The following PUDP variants were observed in gnomAD, a reference collection of about 807,000 sequenced individuals.
The protein encoded by PUDP is pseudouridine 5'-phosphatase.
Under a neutral mutation model 9.4 loss-of-function variants are expected in PUDP, and 8 were observed. The ratio of observed to expected loss-of-function variants is 0.85; its 90% CI spans 0.50 to 1.53. The LOEUF is 1.53. Ranked by LOEUF, PUDP falls within the 40% of genes most tolerant of loss-of-function variation. The pLI is 0.00. For missense variants in PUDP, 188 were observed against 189.7 expected (o/e 0.99, Z 0.05); for synonymous variants, 99 against 80.7 (o/e 1.23, Z -1.22).
At chrX:6,787,228 C>A (rs184367488) in intron 3 of PUDP, among the ~76,000 whole-genome samples, 349 of 111,716 alleles carry the variant, frequency 3.1e-3, no homozygotes, top group Non-Finnish European at 5.4e-3. Flanking sequence ...CTAAAAAAAA[C>A]CCCACAATAT....
At chrX:7,076,009 T>C (rs759811183) in intron 3 of PUDP, among the ~76,000 whole-genome samples, 2 of 111,073 alleles carry the variant, frequency 1.8e-5, no homozygotes, top group Admixed American at 1.9e-4. Context: ...TAGGAGTCAG[T>C]GTCAGAACTG....
intron 3 of PUDP, among the ~76,000 whole-genome samples, chrX:6,866,522 A>G (rs1569113473): frequency 9.0e-6 from 1 of 111,158 alleles, no homozygotes; most frequent in East Asian, 2.8e-4. Context: ...GCGCCCTGTA[A>G]CAAGTGAGCG....
chrX:6,791,884 T>C (rs1316780491), intron 3 of PUDP, among the ~76,000 whole-genome samples: 1 of 112,121 alleles, frequency 8.9e-6, no homozygotes, highest in Non-Finnish European at 1.9e-5. Context: ...CATAGCTGTT[T>C]AGTGGACAAT....
intron 3 of PUDP, among the ~76,000 whole-genome samples, chrX:7,051,021 G>A (rs183461443): frequency 1.6e-4 from 18 of 111,380 alleles, no homozygotes; most frequent in Admixed American, 1.2e-3. Flanking sequence ...GGATAATCGC[G>A]AAAATCCACT....
rs188752612 is a variant in PUDP, at chrX:7,077,484, C to T, written c.281-35G>A. On this transcript the variant is annotated intron_variant, in intron 2 of 3. Transcript: ENST00000381077. ...AGGAGGGAAGGACTGAGGTGAGGGG[C>T]GAGGCCTCCACCATAAGACCTTCTT... 132 of 1,083,411 alleles carry T rather than the reference C, an allele frequency of 1.2e-4. No individual in the cohort carries two copies. In the African/African-American group the frequency reaches 2.2e-3, roughly 18 times the overall value. 89.3% of individuals were successfully genotyped at this position (1,083,411 alleles called of 1,213,427 possible).
At chrX:6,913,094 T>C (rs191865759) in intron 3 of PUDP, among the ~76,000 whole-genome samples, 23 of 112,078 alleles carry the variant, frequency 2.1e-4, no homozygotes, top group African/African-American at 6.5e-4. Context: ...GTGATACTTA[T>C]ATCGCTTACA....
chrX:7,027,812 A>AGAC (rs1223065508), intron 1 of PUDP, among the ~76,000 whole-genome samples: 1 of 253 alleles, frequency 4.0e-3, no homozygotes. Context: ...TATTTTCTAT[A>AGAC]TATAGACTAT....
Position 6,929,084 on chromosome X carries a change from G to C in PUDP, c.*247+48049C>G, listed in dbSNP as rs187788680. Among the ~76,000 whole-genome samples the C allele has an allele frequency of 3.9e-3, 432 of 112,003 alleles. 1 individual carries two copies. The highest frequency in any genetic ancestry group is 0.013 in the African/African-American group (412 of 30,838). On this transcript the variant is annotated intron_variant and NMD_transcript_variant, in intron 3 of 3. Transcript: ENST00000655425. ...GTACAGCACACGCCAGAAACGAGAA[G>C]GCAATACCACATTACACAGGAGCTA...
intron 1 of PUDP, among the ~76,000 whole-genome samples, chrX:7,009,768 T>C (rs1453276344): frequency 1.8e-5 from 2 of 111,280 alleles, no homozygotes; most frequent in Non-Finnish European, 3.8e-5. Flanking sequence ...CACACCAACA[T>C]GGCACATGTA....
At chrX:6,722,431 T>G (rs2146655845), upstream of PUDP, among the ~76,000 whole-genome samples, 1 of 100,724 alleles carries the variant, frequency 9.9e-6, no homozygotes, top group African/African-American at 4.0e-5. Context: ...GGCCACAGAG[T>G]GAGACTGTCT....
intron 3 of PUDP, among the ~76,000 whole-genome samples, chrX:7,060,601 C>T (rs1275313008): frequency 3.6e-5 from 4 of 111,961 alleles, no homozygotes; most frequent in South Asian, 7.5e-4. Context: ...ATCTTCAGAG[C>T]AAATCGATGA....
chrX:7,054,647 A>T (rs748049236), intron 3 of PUDP, among the ~76,000 whole-genome samples: 1 of 111,604 alleles, frequency 9.0e-6, no homozygotes, highest in South Asian at 3.8e-4. Context: ...GGGTGATCTC[A>T]GCCCAAAACA....
rs1361717645 is a variant in PUDP, at chrX:7,050,402, A to C, written c.581T>G (p.Val194Gly). Reference protein sequence around the residue: ...ALAAGMQVVMVPDGNLSRDLT... With the variant: ...ALAAGMQVVMGPDGNLSRDLT... Reference sequence around the variant, plus strand: ...ATCTCGGCTCAAGTTTCCGTCAGGAACCATGACCACCTGCATCCCAGCTGC... The same window carrying C: ...ATCTCGGCTCAAGTTTCCGTCAGGACCCATGACCACCTGCATCCCAGCTGC... The change falls in exon 4 of 4, where the codon GTT (valine) becomes GGT (glycine). Residue 194 changes from valine to glycine, a missense_variant. By Grantham distance (109) the Val-to-Gly change is moderately radical (BLOSUM62 -3). Transcript: ENST00000381077. 1.7e-6 allele frequency: 2 copies of C among 1,209,620 alleles called. No individual in the cohort carries two copies. The highest frequency in any genetic ancestry group is 2.2e-6 in the Non-Finnish European group (2 of 894,757).
chrX:7,071,144 A>G, intron 3 of PUDP, among the ~76,000 whole-genome samples: 1 of 111,889 alleles, frequency 8.9e-6, no homozygotes, highest in Non-Finnish European at 1.9e-5. Context: ...TAAATCTAGG[A>G]AAGAGTCACA....
chrX:6,884,273 A>T (rs1309485019), intron 3 of PUDP, among the ~76,000 whole-genome samples: 1 of 111,940 alleles, frequency 8.9e-6, no homozygotes, highest in Non-Finnish European at 1.9e-5. Flanking sequence ...TCTTTTAAGA[A>T]ATATACCCAA....
intron 1 of PUDP, among the ~76,000 whole-genome samples, chrX:6,996,105 C>A (rs1015606694): frequency 1.8e-5 from 2 of 111,394 alleles, no homozygotes; most frequent in Non-Finnish European, 3.8e-5. Context: ...CAAATACATA[C>A]ACTGTAATGA....
At chrX:7,100,345 C>A (rs758535318) in intron 2 of PUDP, among the ~76,000 whole-genome samples, 2 of 111,091 alleles carry the variant, frequency 1.8e-5, no homozygotes, top group African/African-American at 6.6e-5. Flanking sequence ...CCATTCACTC[C>A]GGCAATTTAA....
At chrX:6,828,753 C>T (rs765520114) in intron 3 of PUDP, among the ~76,000 whole-genome samples, 1 of 111,655 alleles carries the variant, frequency 9.0e-6, no homozygotes, top group East Asian at 2.8e-4. Flanking sequence ...CATAGTTTTG[C>T]CCTGTCCAAA....
intron 1 of PUDP, among the ~76,000 whole-genome samples, chrX:6,714,890 T>C (rs1160795521): frequency 9.0e-6 from 1 of 111,088 alleles, no homozygotes; most frequent in African/African-American, 3.3e-5. Context: ...TGTCCTAAAT[T>C]GACTGCCTGT....
Sources: allele counts gnomAD v4.1 joint callset (sites outside exome capture counted in the v4.1 genomes callset), GRCh38; gene constraint gnomAD v4.1.1; transcripts MANE v1.5; gene names NCBI Gene and HGNC (gene_info 2026-07-23, HGNC 2026-07-21).